The following EPS15 variants were observed in gnomAD, a reference collection of about 807,000 sequenced individuals.
EPS15 encodes the protein epidermal growth factor receptor pathway substrate 15, also known as epidermal growth factor receptor substrate 15.
EPS15 carries 72 observed loss-of-function variants against 113.8 expected under a neutral mutation model. The observed-to-expected ratio is 0.63, with a 90% CI of 0.52 to 0.77. EPS15 has a LOEUF of 0.77. Among genes scored for constraint, EPS15 ranks in the 30% least tolerant of loss-of-function variants. The pLI is 0.00. For synonymous variants in EPS15, 344 were observed against 363.4 expected (o/e 0.95, Z 0.61); for missense variants, 1,048 against 1,045.8 (o/e 1.00, Z -0.03).
At chr1:51,489,019 A>G (rs1452916980) in intron 1 of EPS15, among the ~76,000 whole-genome samples, 6 of 151,988 alleles carry the variant, frequency 3.9e-5, no homozygotes, top group African/African-American at 2.4e-5. Flanking sequence ...CGAGAAAAAA[A>G]GCCTGAGTCC....
At chr1:51,422,056 ATTGCTTTCTC>A in intron 12 of EPS15, 198 bp from the exon 13 acceptor site, 2 of 1,227,012 alleles carry the variant, frequency 1.6e-6, no homozygotes, top group Non-Finnish European at 2.1e-6. Flanking sequence ...TAAAAAAAAA[ATTGCTTTCTC>A]ACTAAAATGT....
chr1:51,390,334 A>C (rs900731409), intron 21 of EPS15, among the ~76,000 whole-genome samples: 19 of 152,120 alleles, frequency 1.2e-4, no homozygotes, highest in African/African-American at 4.6e-4. Flanking sequence ...TTAAAGACTT[A>C]AACGTTAGAC....
At chr1:51,428,491 CAG>C (rs111618758) in intron 12 of EPS15, among the ~76,000 whole-genome samples, 9,619 of 152,028 alleles carry the variant, frequency 0.063, 953 homozygotes, top group African/African-American at 0.21. Flanking sequence ...AATAACATAA[CAG>C]GGGGAGTTCT....
rs148821171 is a variant in EPS15 at position 51,361,184 on chromosome 1, G to A, written c.2531C>T (p.Ala844Val). 2.2e-4 allele frequency: 351 copies of A among 1,613,590 alleles called. No individual in the cohort carries two copies. The African/African-American group carries it at 4.3e-3, about 20-fold the overall frequency. ...TNKEADPSNF[A>V]NFSAYPSEED... is the part of the protein sequence containing the mutation. ...CACAGTACTTACAGCACTGAAGTTG[G>A]CAAAATTGCTTGGATCAGCCTCTTT... The change falls in exon 24 of 25, where the codon GCC (alanine) becomes GTC (valine). Residue 844 changes from alanine to valine, a missense_variant. Transcript: ENST00000371733.
intron 11 of EPS15, among the ~76,000 whole-genome samples, chr1:51,443,837 T>C (rs1652804717): frequency 6.6e-6 from 1 of 151,974 alleles, no homozygotes; most frequent in Admixed American, 6.6e-5. Context: ...GTTTTTGTTT[T>C]GTAGAGACAG....
At chr1:51,441,172 C>T (rs1652570557) in intron 11 of EPS15, among the ~76,000 whole-genome samples, 1 of 152,028 alleles carries the variant, frequency 6.6e-6, no homozygotes, top group East Asian at 1.9e-4. Context: ...TAATCTCTGC[C>T]TTGCCCACTT....
intron 11 of EPS15, among the ~76,000 whole-genome samples, chr1:51,443,780 G>A (rs1652794519): frequency 6.6e-6 from 1 of 151,656 alleles, no homozygotes; most frequent in Non-Finnish European, 1.5e-5. Context: ...AGCCTCCCGA[G>A]TAGCTAGAAC....
At chr1:51,503,664 A>C (rs72674557) in intron 1 of EPS15, among the ~76,000 whole-genome samples, 4,573 of 152,282 alleles carry the variant, frequency 0.03, 74 homozygotes, top group African/African-American at 0.05. Flanking sequence ...AAAAAAGCAA[A>C]GTTAGAGGAC....
chr1:51,489,415 G>A (rs773968844), intron 1 of EPS15, among the ~76,000 whole-genome samples: 8 of 150,512 alleles, frequency 5.3e-5, no homozygotes, highest in Non-Finnish European at 7.4e-5. Flanking sequence ...TCCGCCTCCC[G>A]GGTTCCAGCA....
At chr1:51,407,784 C>A (rs1442795980) in intron 15 of EPS15, among the ~76,000 whole-genome samples, 1 of 152,214 alleles carries the variant, frequency 6.6e-6, no homozygotes, top group African/African-American at 2.4e-5. Flanking sequence ...CATTAATCCT[C>A]ACAGTGGCCC....
intron 7 of EPS15, among the ~76,000 whole-genome samples, chr1:51,462,550 G>A (rs1301816522): frequency 6.6e-6 from 1 of 152,036 alleles, no homozygotes; most frequent in African/African-American, 2.4e-5. Flanking sequence ...CACCTGCTCA[G>A]TAGTCCACAT....
intron 8 of EPS15, among the ~76,000 whole-genome samples, chr1:51,451,505 A>AAAAAAG (rs763389428): frequency 2.0e-5 from 3 of 147,560 alleles, no homozygotes; most frequent in Non-Finnish European, 4.5e-5. Flanking sequence ...AAAAAAAAAA[A>AAAAAAG]AAAGAAAGAA....
intron 23 of EPS15, among the ~76,000 whole-genome samples, chr1:51,362,075 T>G (rs1184317759): frequency 2.6e-5 from 4 of 151,448 alleles, no homozygotes; most frequent in African/African-American, 7.2e-5. Flanking sequence ...ACTTAGTACT[T>G]CTTGAAGAAA....
intron 12 of EPS15, among the ~76,000 whole-genome samples, chr1:51,435,075 A>T (rs577331528): frequency 6.6e-6 from 1 of 152,226 alleles, no homozygotes; most frequent in Middle Eastern, 3.4e-3. Context: ...CATGTGAAAA[A>T]AAAGAAAAAC....
intron 21 of EPS15, among the ~76,000 whole-genome samples, chr1:51,383,435 G>A (rs537533205): frequency 1.3e-5 from 2 of 152,264 alleles, no homozygotes; most frequent in Admixed American, 1.3e-4. Context: ...TTAGGACTTG[G>A]GGGTGGGATG....
At chr1:51,418,658 A>G (rs17106557) in intron 13 of EPS15, among the ~76,000 whole-genome samples, 1,573 of 152,258 alleles carry the variant, frequency 0.01, 30 homozygotes, top group African/African-American at 0.036. Flanking sequence ...AGGTGAAGAG[A>G]AGATAATAAA....
intron 11 of EPS15, among the ~76,000 whole-genome samples, chr1:51,442,595 AT>A (rs11348487): frequency 0.03 from 4,571 of 152,268 alleles, 76 homozygotes; most frequent in African/African-American, 0.05. Flanking sequence ...CTCTTACCCT[AT>A]TCTTGTGCAT....
At chr1:51,361,713 T>C (rs1328104694) in intron 23 of EPS15, among the ~76,000 whole-genome samples, 1 of 152,082 alleles carries the variant, frequency 6.6e-6, no homozygotes, top group Non-Finnish European at 1.5e-5. Context: ...TAATAAAGAA[T>C]AAAGACAGAA....
intron 1 of EPS15, among the ~76,000 whole-genome samples, chr1:51,513,382 G>A (rs980512033): frequency 6.6e-6 from 1 of 152,204 alleles, no homozygotes; most frequent in Non-Finnish European, 1.5e-5. Flanking sequence ...TATATGTGAT[G>A]TTATAGAGCA....
Sources: allele counts gnomAD v4.1 joint callset (sites outside exome capture counted in the v4.1 genomes callset), GRCh38; gene constraint gnomAD v4.1.1; transcripts MANE v1.5; gene names NCBI Gene and HGNC (gene_info 2026-07-23, HGNC 2026-07-21).